Variants in ACBD5 observed in about 807,000 individuals in gnomAD.
ACBD5 encodes acyl-CoA-binding domain-containing protein 5.
Under a neutral mutation model 71.8 loss-of-function variants are expected in ACBD5, and 40 were observed. The observed-to-expected ratio is 0.56, with a 90% confidence interval of 0.43 to 0.72. ACBD5 has a LOEUF of 0.72. Among genes scored for constraint, ACBD5 ranks in the 30% least tolerant of loss-of-function variants. The pLI is 0.00. For missense variants in ACBD5, 559 were observed against 644.5 expected, an observed-to-expected ratio of 0.87 and a Z score of 1.44; for synonymous variants, 229 against 218.6, an observed-to-expected ratio of 1.05 and a Z score of -0.42.
downstream of ACBD5, among the ~76,000 whole-genome samples, chr10:27,193,915 T>G (rs1437088707): frequency 6.6e-6 from 1 of 152,150 alleles, no homozygotes; most frequent in Non-Finnish European, 1.5e-5. Context: ...ATACATCACT[T>G]TTATTACTCT....
chr10:27,195,611 T>A lies in ACBD5; in HGVS notation c.*1819A>T, dbSNP rs1305404718. 1 of 426,388 alleles carries A rather than the reference T, an allele frequency of 2.3e-6. No individual in the cohort carries two copies. The highest frequency in any genetic ancestry group is 4.6e-6 in the Non-Finnish European group (1 of 218,228). The allele number at this position is 426,388 out of a possible 1,614,324, so 26.4% of individuals were successfully genotyped here. ...CACAGGTCTAAATGTTATTTTTACA[T>A]ATAAATTCAGTTGCTTGCTTCACTT... On this transcript the variant is annotated 3_prime_UTR_variant, in exon 13 of 13. Coordinates refer to ENST00000396271, the MANE Select transcript of ACBD5 (RefSeq NM_145698.5).
intron 13 of ACBD5, chr10:27,186,328 T>C (rs1447612989): frequency 1.3e-6 from 2 of 1,514,178 alleles, no homozygotes; most frequent in South Asian, 2.2e-5. Context: ...TGTAAAGCAG[T>C]ACTTACTTAG....
At chr10:27,198,970 A>G (rs920644260) in intron 12 of ACBD5, among the ~76,000 whole-genome samples, 8 of 151,838 alleles carry the variant, frequency 5.3e-5, no homozygotes, top group Non-Finnish European at 1.0e-4. Context: ...TTAGCAGGGC[A>G]TGGTGGCACG....
chr10:27,211,017 T>G lies in ACBD5; in HGVS notation c.1001A>C (p.Gln334Pro), dbSNP rs1333172060. The change falls in exon 9 of 13, where the codon CAA (glutamine) becomes CCA (proline). Residue 334 changes from glutamine to proline, a missense_variant. Coordinates refer to ENST00000396271, the MANE Select transcript of ACBD5 (RefSeq NM_145698.5). ...ACGAAATCCAGAATTTTCCATGGGT[T>G]GACTGGAATGACCACCCAAGTAATA... ...FQYYLGGHSS[Q>P]PMENSGFRED... is the part of the protein sequence containing the mutation. The G allele has an allele frequency of 1.2e-6, 2 of 1,614,136 alleles. No individual in the cohort carries two copies. Among genetic ancestry groups the G allele is most frequent in the Non-Finnish European group, 1.7e-6 (2 of 1,180,006 alleles).
At chr10:27,224,559 G>A (rs2137712501) in intron 4 of ACBD5, among the ~76,000 whole-genome samples, 1 of 152,238 alleles carries the variant, frequency 6.6e-6, no homozygotes, top group Non-Finnish European at 1.5e-5. Flanking sequence ...ATAAATATGG[G>A]CCAATTTAGA....
At chr10:27,229,853 G>A (rs1336354292) in intron 4 of ACBD5, among the ~76,000 whole-genome samples, 1 of 152,136 alleles carries the variant, frequency 6.6e-6, no homozygotes, top group African/African-American at 2.4e-5. Context: ...AATTTTTAAA[G>A]TGTGAATGAA....
At position 27,228,809 on chromosome 10, in the gene ACBD5, A is replaced by T. The variant is rs1278591547; in HGVS notation, c.375+2939T>A. 8.9e-3 allele frequency among the ~76,000 whole-genome samples: 131 copies of T among 14,784 alleles called. 1 individual carries two copies. Among genetic ancestry groups the T allele is most frequent in the African/African-American group, 9.5e-3 (109 of 11,492 alleles). The allele number at this position is 14,784 out of a possible 152,430, so 9.7% of individuals were successfully genotyped here. A position where few individuals can be genotyped will look rare whatever the true frequency, so the allele number is the denominator to read the frequency against. ...ATTATGTTTATATATATATATATAT[A>T]TATATATTTTTTTTTTTTTTTTTTT... On this transcript the variant is annotated intron_variant, in intron 4 of 12. Coordinates refer to ENST00000396271, the MANE Select transcript of ACBD5 (RefSeq NM_145698.5).
At chr10:27,210,523 C>T (rs766444826) in intron 9 of ACBD5, among the ~76,000 whole-genome samples, 2 of 152,082 alleles carry the variant, frequency 1.3e-5, no homozygotes, top group Non-Finnish European at 1.5e-5. Context: ...TTTGGGAGGC[C>T]GAGGTGGGTG....
intron 5 of ACBD5, among the ~76,000 whole-genome samples, chr10:27,221,155 T>C (rs1275830087): frequency 6.6e-6 from 1 of 152,186 alleles, no homozygotes; most frequent in African/African-American, 2.4e-5. Flanking sequence ...TCCAGATACA[T>C]TTTGAAATCT....
rs1054847490 is a variant in ACBD5, at chr10:27,207,950, G to A, written c.1404+296C>T. Among the ~76,000 whole-genome samples the A allele has an allele frequency of 3.3e-5, 5 of 152,196 alleles. No individual in the cohort carries two copies. The South Asian group carries it at 8.3e-4, about 25-fold the overall frequency. ...GAATTTCACCATAGTGGCCAGTCTGGTCTCAAACTCCTGAACTCAGGTGAT... is the reference window on the plus strand; with the variant it reads ...GAATTTCACCATAGTGGCCAGTCTGATCTCAAACTCCTGAACTCAGGTGAT... On this transcript the variant is annotated intron_variant, in intron 10 of 12. Transcript: ENST00000396271.
At chr10:27,241,763 G>A (rs1442662808), upstream of ACBD5, among the ~76,000 whole-genome samples, 1 of 152,108 alleles carries the variant, frequency 6.6e-6, no homozygotes, top group Admixed American at 6.5e-5. Context: ...AGAGGGCGGG[G>A]CCAATGAGGA....
At chr10:27,213,831 G>T (rs1479171548) in intron 8 of ACBD5, among the ~76,000 whole-genome samples, 1 of 151,864 alleles carries the variant, frequency 6.6e-6, no homozygotes, top group African/African-American at 2.4e-5. Context: ...ATACCCAAAA[G>T]AAAGGAAATC....
At chr10:27,234,922 A>G (rs1208528183) in intron 3 of ACBD5, among the ~76,000 whole-genome samples, 170 bp downstream of exon 3, 1 of 124,102 alleles carries the variant, frequency 8.1e-6, no homozygotes. Flanking sequence ...ACAGAGTGAG[A>G]CTCCATCTCA....
chr10:27,208,015 G>A (rs1589070975), intron 10 of ACBD5, among the ~76,000 whole-genome samples: 2 of 152,096 alleles, frequency 1.3e-5, no homozygotes, highest in Admixed American at 6.5e-5. Flanking sequence ...GATTACAGGC[G>A]TGAGCCACGG....
downstream of ACBD5, among the ~76,000 whole-genome samples, chr10:27,194,381 C>T: frequency 6.6e-6 from 1 of 151,494 alleles, no homozygotes; most frequent in East Asian, 1.9e-4. Context: ...GAGGCAGAGG[C>T]AGGAAGATCA....
In ACBD5 at chr10:27,231,728, C is replaced by T. The variant is rs2063890400; in HGVS notation, c.375+20G>A. On this transcript the variant is annotated intron_variant, in intron 4 of 12. Transcript: ENST00000396271. The stretch of plus-strand genomic sequence containing the variant: ...GAGCTGCTCTGAATTTTCATTTTAA[C>T]TGTGAATTATTTTCCCTACCTTTTT... 1 of 1,610,766 alleles carries T rather than the reference C, an allele frequency of 6.2e-7. No homozygotes were observed. The highest frequency in any genetic ancestry group is 1.7e-5 in the Admixed American group (1 of 60,014).
At chr10:27,235,986 C>A (rs1250997865) in intron 2 of ACBD5, among the ~76,000 whole-genome samples, 2 of 151,878 alleles carry the variant, frequency 1.3e-5, no homozygotes, top group South Asian at 2.1e-4. Flanking sequence ...TGATGGCACA[C>A]CCTGTAGTCC....
intron 13 of ACBD5, chr10:27,186,710 C>A: frequency 1.6e-6 from 1 of 640,620 alleles, no homozygotes; most frequent in Non-Finnish European, 2.7e-6. Flanking sequence ...GGAATATAGT[C>A]AGTAATTTAT....
At chr10:27,228,806 TATATATATA>T (rs1369340339) in intron 4 of ACBD5, among the ~76,000 whole-genome samples, 2 of 5,164 alleles carry the variant, frequency 3.9e-4, no homozygotes, top group Admixed American at 3.9e-3. Flanking sequence ...TATATATATA[TATATATATA>T]TTTTTTTTTT....
Sources: gnomAD v4.1 joint callset for allele counts (sites outside exome capture counted in the v4.1 genomes callset) on GRCh38, gnomAD v4.1.1 for gene constraint, MANE v1.5 for transcripts, NCBI Gene and HGNC (gene_info 2026-07-23, HGNC 2026-07-21) for gene names.